The following UBOX5 variants were observed in gnomAD, a reference collection of about 807,000 sequenced individuals.
UBOX5 encodes U-box domain containing 5.
In UBOX5, 28 loss-of-function variants were observed where a neutral mutation model predicts 39.0. The observed-to-expected ratio is 0.72, with a 90% CI of 0.53 to 0.98. UBOX5 has a LOEUF of 0.98. Ranked by LOEUF, UBOX5 falls within the 50% of genes least tolerant of loss-of-function variation. The pLI is 0.00. For synonymous variants in UBOX5, 283 were observed against 275.5 expected, an observed-to-expected ratio of 1.03 and a Z score of -0.27; for missense variants, 585 against 674.4, an observed-to-expected ratio of 0.87 and a Z score of 1.47.
chr20:3,157,729 A>C (rs2066701108), intron 1 of UBOX5, among the ~76,000 whole-genome samples: 1 of 152,258 alleles, frequency 6.6e-6, no homozygotes, highest in African/African-American at 2.4e-5. Context: ...AAAGAGAAGT[A>C]GCTGCATGCA....
intron 1 of UBOX5, among the ~76,000 whole-genome samples, chr20:3,140,893 AT>A (rs11365727): frequency 0.2 from 16,784 of 85,916 alleles, 1,766 homozygotes; most frequent in East Asian, 0.51. Flanking sequence ...TCTCCCATCT[AT>A]TTTTTTTTTT....
At chr20:3,117,954 T>C (rs1418085247) in intron 3 of UBOX5, among the ~76,000 whole-genome samples, 10 of 151,994 alleles carry the variant, frequency 6.6e-5, no homozygotes. Flanking sequence ...ATTGCGACAC[T>C]GCACTCCAGC....
At chr20:3,152,100 CAAA>C (rs60655157) in intron 1 of UBOX5, among the ~76,000 whole-genome samples, 40 of 62,882 alleles carry the variant, frequency 6.4e-4, no homozygotes, top group African/African-American at 1.2e-3. Context: ...GACTCTGTCT[CAAA>C]AAAAAAAAAA....
At chr20:3,158,567 G>T (rs1032428950) in intron 1 of UBOX5, among the ~76,000 whole-genome samples, 3 of 151,956 alleles carry the variant, frequency 2.0e-5, no homozygotes, top group Admixed American at 1.3e-4. Context: ...TCCGCCTCCC[G>T]GGGTTCACGC....
Position 3,140,079 on chromosome 20 carries a change from T to C in UBOX5, c.-41-16673A>G, listed in dbSNP as rs2066504928. Among the ~76,000 whole-genome samples, 3 of 137,278 alleles carry C rather than the reference T, an allele frequency of 2.2e-5. No homozygotes were observed. The East Asian group carries it at 7.0e-4, about 32-fold the overall frequency. 90.1% of individuals were successfully genotyped at this position (137,278 alleles called of 152,430 possible). On this transcript the variant is annotated intron_variant, in intron 1 of 4. Transcript: ENST00000217173. Reference sequence around the variant, plus strand: ...CTCTGTCACCCAGGCTGGAGTGCAATGGTGCAATCTCAGCTCACTGCAACC... The same window carrying C: ...CTCTGTCACCCAGGCTGGAGTGCAACGGTGCAATCTCAGCTCACTGCAACC...
At chr20:3,131,962 C>G (rs7265778) in intron 1 of UBOX5, among the ~76,000 whole-genome samples, 2,527 of 136,102 alleles carry the variant, frequency 0.019, 38 homozygotes, top group Non-Finnish European at 0.031. Context: ...GAGCCGAGAT[C>G]GAGCCACTGC....
In UBOX5 at chr20:3,151,599, A is replaced by T. The variant is rs553595248; in HGVS notation, c.-42+8167T>A. 37 of 152,262 alleles carry T rather than the reference A, an allele frequency of 2.4e-4. No individual in the cohort carries two copies. The South Asian group carries it at 6.8e-3, about 28-fold the overall frequency. The allele number at this position is 152,262 out of a possible 1,614,324, so 9.4% of individuals were successfully genotyped here. A position where few individuals can be genotyped will look rare whatever the true frequency, so the allele number is the denominator to read the frequency against. ...GGCCAGGAGTTTGAGACCAGCCTGAACAACACAGCAAGACTGTCTAAAAAA... is the reference window on the plus strand; with the variant it reads ...GGCCAGGAGTTTGAGACCAGCCTGATCAACACAGCAAGACTGTCTAAAAAA... On this transcript the variant is annotated intron_variant, in intron 1 of 4. Coordinates refer to ENST00000217173, the MANE Select transcript of UBOX5 (RefSeq NM_014948.4).
At chr20:3,159,608 C>A (rs757101833) in intron 1 of UBOX5, among the ~76,000 whole-genome samples, 158 bp downstream of exon 1, 2 of 152,270 alleles carry the variant, frequency 1.3e-5, no homozygotes, top group African/African-American at 4.8e-5. Flanking sequence ...GCCAGGCCTG[C>A]GAGAGGCACT....
rs148841379 is a variant in UBOX5 at position 3,122,509 on chromosome 20, C to G, written c.130G>C (p.Glu44Gln). The G allele has an allele frequency of 9.3e-6, 15 of 1,614,038 alleles. No individual in the cohort carries two copies. The African/African-American group carries it at 1.6e-4, about 17-fold the overall frequency. Residue 44 changes from glutamate (E) to glutamine (Q), a missense_variant, in exon 3 of 5, where the codon GAG (glutamate) becomes CAG (glutamine). Glu to Gln is a conservative substitution (Grantham distance 29). Transcript: ENST00000217173. ...LTKRSHGFRT[E>Q]YFIKPPVYVT... is the part of the protein sequence containing the mutation. ...TAGACTGGTGGCTTAATGAAATACT[C>G]TGTCCTGAAACCATGACTTCTCTTT...
Position 3,148,844 on chromosome 20 carries a change from G to A in UBOX5, c.-42+10922C>T. ...AGAAGTCTTGCTGAATTCCAAACCT[G>A]GGTGGGCACTGCTGGTTGTCAGGAT... On this transcript the variant is annotated intron_variant, in intron 1 of 4. Transcript: ENST00000217173. 1 of 1,614,234 alleles carries A rather than the reference G, an allele frequency of 6.2e-7. No homozygotes were observed. Among genetic ancestry groups the A allele is most frequent in the Non-Finnish European group, 8.5e-7 (1 of 1,180,054 alleles).
intron 3 of UBOX5, 41 bp downstream of exon 3, chr20:3,121,343 A>G (rs754117928): frequency 6.4e-7 from 1 of 1,570,072 alleles, no homozygotes; most frequent in East Asian, 2.2e-5. Flanking sequence ...CCTGGGAAGG[A>G]GATGGATGAG....
At chr20:3,146,827 GCGAGTT>G in intron 1 of UBOX5, 1 of 1,614,170 alleles carries the variant, frequency 6.2e-7, no homozygotes, top group Non-Finnish European at 8.5e-7. Context: ...ACTTTTCTAA[GCGAGTT>G]CGTTTCAGTA....
chr20:3,120,826 AC>A (rs2148593511), intron 3 of UBOX5, among the ~76,000 whole-genome samples: 1 of 152,186 alleles, frequency 6.6e-6, no homozygotes, highest in South Asian at 2.1e-4. Context: ...AGGCCCACAG[AC>A]CTAGTCCTTT....
rs150019049 is a variant in UBOX5, at chr20:3,137,174, A to G, written c.-41-13768T>C. Among the ~76,000 whole-genome samples the G allele has an allele frequency of 2.2e-3, 307 of 138,436 alleles. 3 individuals are homozygous for G. The Middle Eastern group carries it at 0.038, about 17-fold the overall frequency. The allele number at this position is 138,436 out of a possible 152,430, so 90.8% of individuals were successfully genotyped here. A position where few individuals can be genotyped will look rare whatever the true frequency, so the allele number is the denominator to read the frequency against. On this transcript the variant is annotated intron_variant, in intron 1 of 4. Transcript: ENST00000217173. ...TAGCCAGGATGGTCTCGAACTTCTG[A>G]CCTCAAGTGATCCACCTGCCTCGGC...
chr20:3,147,143 T>G, intron 1 of UBOX5: 3 of 1,613,806 alleles, frequency 1.9e-6, no homozygotes, highest in Non-Finnish European at 2.5e-6. Flanking sequence ...AGTTTTGCCC[T>G]GGAAATGTCC....
At chr20:3,145,193 G>A (rs1397589176) in intron 1 of UBOX5, among the ~76,000 whole-genome samples, 1 of 151,570 alleles carries the variant, frequency 6.6e-6, no homozygotes, top group Non-Finnish European at 1.5e-5. Context: ...CACTCTGTCA[G>A]CCAGGTGGGA....
chr20:3,142,888 A>G (rs983887333), intron 1 of UBOX5, among the ~76,000 whole-genome samples: 3 of 151,630 alleles, frequency 2.0e-5, no homozygotes, highest in African/African-American at 7.3e-5. Flanking sequence ...CATTGTTTGT[A>G]TTCGATATCT....
At chr20:3,153,756 T>C (rs1362877568) in intron 1 of UBOX5, among the ~76,000 whole-genome samples, 2 of 152,222 alleles carry the variant, frequency 1.3e-5, no homozygotes. Flanking sequence ...GCAAGTTGAG[T>C]ATCCCTTGTC....
intron 1 of UBOX5, among the ~76,000 whole-genome samples, chr20:3,141,950 C>T (rs1568478859): frequency 6.6e-6 from 1 of 151,308 alleles, no homozygotes; most frequent in Non-Finnish European, 1.5e-5. Context: ...GATTTTGAGG[C>T]TGCAGTGAGC....
Sources: gnomAD v4.1 joint callset for allele counts (sites outside exome capture counted in the v4.1 genomes callset) on GRCh38, gnomAD v4.1.1 for gene constraint, MANE v1.5 for transcripts, NCBI Gene and HGNC (gene_info 2026-07-23, HGNC 2026-07-21) for gene names.